Variants in DNAJC1 observed in about 807,000 individuals in gnomAD.
DNAJC1 encodes DnaJ heat shock protein family (Hsp40) member C1.
Under a neutral mutation model 76.6 loss-of-function variants are expected in DNAJC1, and 58 were observed. That is an observed-to-expected ratio of 0.76 (90% CI 0.61 to 0.94). DNAJC1 has a LOEUF of 0.94. DNAJC1 is among the 40% of genes least tolerant of loss of function. DNAJC1 has a pLI of 0.00. For synonymous variants in DNAJC1, 258 were observed against 267.9 expected, an observed-to-expected ratio of 0.96 and a Z score of 0.36; for missense variants, 689 against 677.3, an observed-to-expected ratio of 1.02 and a Z score of -0.19.
intron 8 of DNAJC1, among the ~76,000 whole-genome samples, chr10:21,839,390 T>C (rs1421621151): frequency 6.6e-6 from 1 of 151,962 alleles, no homozygotes; most frequent in East Asian, 1.9e-4. Context: ...AAGAATCAAA[T>C]AGATGCAATA....
intron 1 of DNAJC1, among the ~76,000 whole-genome samples, chr10:21,982,276 T>C (rs879264940): frequency 6.6e-6 from 1 of 152,126 alleles, no homozygotes; most frequent in Non-Finnish European, 1.5e-5. Flanking sequence ...AGGACTAACA[T>C]AGGAGTTAAA....
chr10:21,933,677 T>C (rs1338115727), intron 1 of DNAJC1, among the ~76,000 whole-genome samples: 2 of 152,234 alleles, frequency 1.3e-5, no homozygotes, highest in South Asian at 2.1e-4. Context: ...TATTCATTTA[T>C]ATTTAGTCAT....
intron 3 of DNAJC1, among the ~76,000 whole-genome samples, chr10:21,924,560 A>G (rs1837090077): frequency 6.6e-6 from 1 of 152,180 alleles, no homozygotes; most frequent in Non-Finnish European, 1.5e-5. Flanking sequence ...CTCAACTAAC[A>G]TTCAGGGCAC....
intron 1 of DNAJC1, among the ~76,000 whole-genome samples, chr10:21,975,654 CCT>C (rs1184559055): frequency 1.6e-5 from 2 of 123,362 alleles, no homozygotes; most frequent in Non-Finnish European, 3.6e-5. Flanking sequence ...ACTTACTGTC[CCT>C]CTGTTAGATC....
chr10:21,890,552 GCTC>G (rs1199750259), intron 7 of DNAJC1, among the ~76,000 whole-genome samples: 1 of 151,940 alleles, frequency 6.6e-6, no homozygotes, highest in Non-Finnish European at 1.5e-5. Flanking sequence ...AGGTATTCCT[GCTC>G]CTCCTTCCAG....
At chr10:21,857,147 TTAAC>T (rs1281170055) in intron 8 of DNAJC1, among the ~76,000 whole-genome samples, 1 of 152,234 alleles carries the variant, frequency 6.6e-6, no homozygotes, top group Non-Finnish European at 1.5e-5. Flanking sequence ...CCATTTATCT[TTAAC>T]TGACTGCTAT....
intron 9 of DNAJC1, among the ~76,000 whole-genome samples, chr10:21,804,479 T>C (rs1325605928): frequency 6.6e-6 from 1 of 151,958 alleles, no homozygotes; most frequent in African/African-American, 2.4e-5. Context: ...TCAAAAACCA[T>C]GGAATGTCTT....
intron 8 of DNAJC1, among the ~76,000 whole-genome samples, chr10:21,862,749 C>G (rs114915771): frequency 0.029 from 4,433 of 152,070 alleles, 121 homozygotes; most frequent in Middle Eastern, 0.062. Context: ...TTTAAAGAAA[C>G]CAATGCTCAG....
intron 1 of DNAJC1, among the ~76,000 whole-genome samples, chr10:22,003,008 C>T (rs1485586388): frequency 6.6e-6 from 1 of 152,134 alleles, no homozygotes; most frequent in African/African-American, 2.4e-5. Context: ...GGGGCTGGGA[C>T]TAGAAAAGTT....
intron 8 of DNAJC1, among the ~76,000 whole-genome samples, chr10:21,821,955 C>G (rs1478328185): frequency 6.6e-6 from 1 of 151,988 alleles, no homozygotes; most frequent in African/African-American, 2.4e-5. Flanking sequence ...AGTGTTCTTT[C>G]CACTATATTC....
chr10:21,965,899 C>T (rs373013835), intron 1 of DNAJC1, among the ~76,000 whole-genome samples: 67 of 152,296 alleles, frequency 4.4e-4, no homozygotes, highest in African/African-American at 1.3e-3. Flanking sequence ...GATCCAAGAA[C>T]CCTCTCATGG....
intron 1 of DNAJC1, among the ~76,000 whole-genome samples, chr10:21,999,142 T>C (rs1352986557): frequency 6.6e-6 from 1 of 152,178 alleles, no homozygotes; most frequent in African/African-American, 2.4e-5. Flanking sequence ...AAGAATGTTC[T>C]ATATTAATTG....
intron 9 of DNAJC1, among the ~76,000 whole-genome samples, chr10:21,792,072 A>G (rs771379843): frequency 6.6e-6 from 1 of 152,238 alleles, no homozygotes; most frequent in Non-Finnish European, 1.5e-5. Flanking sequence ...AGAGAATATC[A>G]GCCACACTTT....
chr10:21,979,571 T>C (rs1838119557), intron 1 of DNAJC1, among the ~76,000 whole-genome samples: 1 of 152,074 alleles, frequency 6.6e-6, no homozygotes, highest in South Asian at 2.1e-4. Flanking sequence ...GGGTGTGACT[T>C]TGCAGAATAT....
intron 8 of DNAJC1, among the ~76,000 whole-genome samples, chr10:21,859,643 A>T (rs1303447770): frequency 6.6e-6 from 1 of 152,192 alleles, no homozygotes; most frequent in African/African-American, 2.4e-5. Flanking sequence ...GAGGGGTTAT[A>T]CACAGACATA....
intron 8 of DNAJC1, among the ~76,000 whole-genome samples, chr10:21,819,647 A>T (rs1163223427): frequency 6.6e-6 from 1 of 152,024 alleles, no homozygotes; most frequent in Non-Finnish European, 1.5e-5. Flanking sequence ...AGCATACCAT[A>T]GGCCAGGCAC....
chr10:21,920,661 C>T, intron 4 of DNAJC1, 137 bp downstream of exon 4: 1 of 690,886 alleles, frequency 1.4e-6, no homozygotes, highest in Non-Finnish European at 2.1e-6. Context: ...AGAAATATGT[C>T]AAACATTGAG....
intron 7 of DNAJC1, among the ~76,000 whole-genome samples, chr10:21,894,804 A>G (rs1007930157): frequency 6.6e-6 from 1 of 152,180 alleles, no homozygotes; most frequent in African/African-American, 2.4e-5. Context: ...AAGCCCTTAC[A>G]AAAGAGGCTT....
intron 7 of DNAJC1, among the ~76,000 whole-genome samples, chr10:21,899,821 G>A (rs1836617756): frequency 1.3e-5 from 2 of 152,160 alleles, no homozygotes; most frequent in South Asian, 4.2e-4. Flanking sequence ...TCCAAAACTG[G>A]CAGGCTGGAA....
Sources: gnomAD v4.1 joint callset for allele counts (sites outside exome capture counted in the v4.1 genomes callset) on GRCh38, gnomAD v4.1.1 for gene constraint, MANE v1.5 for transcripts, NCBI Gene and HGNC (gene_info 2026-07-23, HGNC 2026-07-21) for gene names.